Variants in OCA2 observed in about 807,000 individuals in gnomAD.
OCA2 encodes OCA2 melanosomal transmembrane protein.
OCA2 carries 77 observed loss-of-function variants against 100.2 expected under a neutral mutation model. That is an observed-to-expected ratio of 0.77 (90% CI 0.64 to 0.93). The LOEUF (loss-of-function observed/expected upper bound fraction) is 0.93. Ranked by LOEUF, OCA2 falls within the 40% of genes least tolerant of loss-of-function variation. The pLI is 0.00. For synonymous variants in OCA2, 432 were observed against 439.2 expected (o/e 0.98, Z 0.21); for missense variants, 1,062 against 1,089.1 (o/e 0.98, Z 0.35).
chr15:28,050,030 A>G (rs550313818), intron 2 of OCA2, among the ~76,000 whole-genome samples: 2 of 151,966 alleles, frequency 1.3e-5, no homozygotes, highest in East Asian at 1.9e-4. Flanking sequence ...TGTAATCCCA[A>G]CTCTTTGGGA....
intron 13 of OCA2, among the ~76,000 whole-genome samples, chr15:27,984,322 T>A (rs2041270429): frequency 6.6e-6 from 1 of 151,830 alleles, no homozygotes; most frequent in African/African-American, 2.4e-5. Flanking sequence ...GCTCTACAGC[T>A]CCCCAGGGGA....
intron 23 of OCA2, among the ~76,000 whole-genome samples, chr15:27,826,010 G>A (rs181145699): frequency 6.6e-6 from 1 of 152,336 alleles, no homozygotes; most frequent in East Asian, 1.9e-4. Context: ...TGTGAGAGCT[G>A]AGAAGATTGC....
intron 19 of OCA2, among the ~76,000 whole-genome samples, chr15:27,913,619 C>T (rs1232283873): frequency 2.0e-5 from 3 of 151,496 alleles, no homozygotes; most frequent in Non-Finnish European, 2.9e-5. Context: ...GAGACTGCTA[C>T]AACCTGAAAG....
chr15:27,878,213 T>C (rs1281526998), intron 19 of OCA2, among the ~76,000 whole-genome samples: 1 of 152,040 alleles, frequency 6.6e-6, no homozygotes, highest in Non-Finnish European at 1.5e-5. Flanking sequence ...GACAATATTA[T>C]AATTTATACT....
intron 2 of OCA2, among the ~76,000 whole-genome samples, chr15:28,074,015 C>T (rs1351757860): frequency 6.6e-6 from 1 of 151,788 alleles, no homozygotes; most frequent in Admixed American, 6.6e-5. Flanking sequence ...CACACACACA[C>T]ACACACACAC....
At chr15:27,828,243 C>T (rs144708964) in intron 23 of OCA2, among the ~76,000 whole-genome samples, 1 of 152,210 alleles carries the variant, frequency 6.6e-6, no homozygotes, top group Non-Finnish European at 1.5e-5. Context: ...AGGGCTCGCT[C>T]TTGGCCAGCT....
At chr15:27,943,671 T>TAAAAAA (rs66644405) in intron 18 of OCA2, among the ~76,000 whole-genome samples, 2 of 114,886 alleles carry the variant, frequency 1.7e-5, no homozygotes, top group Non-Finnish European at 1.9e-5. Context: ...AAGTATAATT[T>TAAAAAA]AAAAAAAAAA....
chr15:27,922,209 A>G (rs981507450), intron 19 of OCA2, among the ~76,000 whole-genome samples: 1 of 152,228 alleles, frequency 6.6e-6, no homozygotes, highest in African/African-American at 2.4e-5. Flanking sequence ...GCTTCTTTAG[A>G]GCACTTCCAG....
the OCA2 span, among the ~76,000 whole-genome samples, chr15:27,728,072 C>G: frequency 6.6e-6 from 1 of 152,144 alleles, no homozygotes; most frequent in African/African-American, 2.4e-5. Flanking sequence ...TTCATCATAG[C>G]AACTCCAAGT....
chr15:28,081,576 G>T lies in OCA2; in HGVS notation c.227+72C>A, dbSNP rs986661647. On this transcript the variant is annotated intron_variant, in intron 2 of 23. Transcript: ENST00000354638. Reference sequence around the variant, plus strand: ...GGAAATTTTTCCCACAACAAACGTGGGGGAACGATGCTCATGGAAACCCAA... The same window carrying T: ...GGAAATTTTTCCCACAACAAACGTGTGGGAACGATGCTCATGGAAACCCAA... 6.9e-6 allele frequency: 10 copies of T among 1,439,776 alleles called. No homozygotes were observed. The African/African-American group carries it at 1.1e-4, about 16-fold the overall frequency. The allele number at this position is 1,439,776 out of a possible 1,614,324, so 89.2% of individuals were successfully genotyped here.
intron 23 of OCA2, among the ~76,000 whole-genome samples, chr15:27,818,502 C>T (rs917375938): frequency 1.3e-5 from 2 of 152,150 alleles, no homozygotes; most frequent in Non-Finnish European, 2.9e-5. Context: ...GTGATGAATG[C>T]CACAAAAGAG....
intron 4 of OCA2, among the ~76,000 whole-genome samples, chr15:28,025,696 G>A (rs1244535867): frequency 6.6e-6 from 1 of 152,312 alleles, no homozygotes; most frequent in South Asian, 2.1e-4. Context: ...GCCCAGTCCA[G>A]GTTGTGCTCT....
At chr15:27,898,945 C>T (rs572821273) in intron 19 of OCA2, among the ~76,000 whole-genome samples, 10 of 152,230 alleles carry the variant, frequency 6.6e-5, no homozygotes, top group African/African-American at 2.4e-4. Flanking sequence ...GAACACTTTC[C>T]AACTCATTTT....
intron 23 of OCA2, among the ~76,000 whole-genome samples, chr15:27,801,194 C>T (rs897646136): frequency 1.2e-4 from 19 of 152,178 alleles, no homozygotes; most frequent in Non-Finnish European, 2.6e-4. Flanking sequence ...AAGGAAACTA[C>T]AGAACAATCT....
chr15:27,958,141 G>A (rs1216201341), intron 15 of OCA2, among the ~76,000 whole-genome samples: 1 of 152,258 alleles, frequency 6.6e-6, no homozygotes, highest in East Asian at 1.9e-4. Context: ...CATGGCACAT[G>A]TATACCTACG....
At chr15:27,737,440 C>T in the OCA2 span, among the ~76,000 whole-genome samples, 4 of 152,156 alleles carry the variant, frequency 2.6e-5, no homozygotes, top group Admixed American at 6.5e-5. Context: ...CAGGGAGTGT[C>T]GGTTTGAGGA....
chr15:27,950,855 C>T (rs2040002270), intron 18 of OCA2, among the ~76,000 whole-genome samples: 1 of 152,140 alleles, frequency 6.6e-6, no homozygotes, highest in African/African-American at 2.4e-5. Context: ...CTGCACTCCT[C>T]AAATTTCACA....
intron 14 of OCA2, among the ~76,000 whole-genome samples, chr15:27,979,449 G>A (rs909163295): frequency 2.6e-5 from 4 of 152,046 alleles, no homozygotes; most frequent in Non-Finnish European, 5.9e-5. Flanking sequence ...ATATAGTTAG[G>A]TTTAACTCTT....
At chr15:27,874,846 A>T (rs1265427262) in intron 19 of OCA2, among the ~76,000 whole-genome samples, 1 of 152,174 alleles carries the variant, frequency 6.6e-6, no homozygotes, top group Non-Finnish European at 1.5e-5. Context: ...TTGACTAGTC[A>T]AGAAAACTAA....
Sources: allele counts gnomAD v4.1 joint callset (sites outside exome capture counted in the v4.1 genomes callset), GRCh38; gene constraint gnomAD v4.1.1; transcripts MANE v1.5; gene names NCBI Gene and HGNC (gene_info 2026-07-23, HGNC 2026-07-21).